Variants in PUDP observed in about 807,000 individuals in gnomAD.
PUDP encodes pseudouridine 5'-phosphatase.
A neutral mutation model predicts 9.4 loss-of-function variants in PUDP; 8 were observed. The ratio of observed to expected loss-of-function variants is 0.85; its 90% CI spans 0.50 to 1.53. The LOEUF (loss-of-function observed/expected upper bound fraction) is 1.53. Ranked by LOEUF, PUDP falls within the 40% of genes most tolerant of loss-of-function variation. PUDP has a pLI of 0.00. For missense variants in PUDP, 188 were observed against 189.7 expected (o/e 0.99, Z 0.05); for synonymous variants, 99 against 80.7 (o/e 1.23, Z -1.22).
chrX:6,720,256 G>GTATA (rs1384554975), intron 1 of PUDP, among the ~76,000 whole-genome samples: 143 of 37,108 alleles, frequency 3.9e-3, no homozygotes, highest in Admixed American at 5.7e-3. Context: ...GTGTGTGTGT[G>GTATA]TGTATATATA....
chrX:6,949,720 T>G (rs760748260), intron 3 of PUDP, among the ~76,000 whole-genome samples: 2 of 112,589 alleles, frequency 1.8e-5, no homozygotes, highest in South Asian at 7.3e-4. Flanking sequence ...CATCCAAATT[T>G]TATCTTTTTA....
chrX:6,816,934 AC>A (rs752328226), intron 3 of PUDP, among the ~76,000 whole-genome samples: 1,814 of 95,912 alleles, frequency 0.019, 51 homozygotes, highest in African/African-American at 0.062. Context: ...ATATATATAC[AC>A]ATATAGTATA....
intron 3 of PUDP, among the ~76,000 whole-genome samples, chrX:6,775,725 C>A (rs1288681426): frequency 9.1e-6 from 1 of 110,204 alleles, no homozygotes; most frequent in Non-Finnish European, 1.9e-5. Flanking sequence ...GAGGGTGGAG[C>A]CCTTATGAAT....
intron 3 of PUDP, among the ~76,000 whole-genome samples, chrX:7,072,271 T>A (rs895919438): frequency 3.6e-5 from 4 of 111,543 alleles, no homozygotes; most frequent in Non-Finnish European, 7.5e-5. Flanking sequence ...TAATTGTGAA[T>A]ATTATCTCAC....
intron 3 of PUDP, among the ~76,000 whole-genome samples, chrX:6,865,992 T>A (rs1451584146): frequency 1.8e-5 from 2 of 111,786 alleles, no homozygotes; most frequent in Admixed American, 1.9e-4. Flanking sequence ...ACAGGCGTAG[T>A]TCACTGCAGC....
intron 3 of PUDP, among the ~76,000 whole-genome samples, chrX:6,932,863 A>G (rs1236822196): frequency 4.5e-5 from 5 of 110,732 alleles, no homozygotes; most frequent in Non-Finnish European, 9.5e-5. Context: ...AGTCTCGCTG[A>G]TTGCTGGCAC....
intron 3 of PUDP, among the ~76,000 whole-genome samples, chrX:6,810,548 T>C (rs1172150099): frequency 1.8e-5 from 2 of 111,668 alleles, no homozygotes; most frequent in Non-Finnish European, 3.8e-5. Context: ...AGTACAGTCT[T>C]ACCTCACTTT....
At chrX:6,901,365 C>T (rs919062272) in intron 3 of PUDP, among the ~76,000 whole-genome samples, 7 of 112,202 alleles carry the variant, frequency 6.2e-5, no homozygotes, top group African/African-American at 1.3e-4. Flanking sequence ...AAAAGAGCAA[C>T]GAAACATCTA....
At chrX:6,806,104 T>C (rs1421653753) in intron 3 of PUDP, among the ~76,000 whole-genome samples, 1 of 111,070 alleles carries the variant, frequency 9.0e-6, no homozygotes, top group Non-Finnish European at 1.9e-5. Flanking sequence ...CAGAGAGACG[T>C]CTACTACCCT....
intron 3 of PUDP, among the ~76,000 whole-genome samples, chrX:6,872,914 G>A (rs922761167): frequency 4.5e-5 from 5 of 110,786 alleles, no homozygotes; most frequent in African/African-American, 1.6e-4. Context: ...TGCAGATCCT[G>A]TGACACATGG....
At chrX:6,985,876 G>A (rs779982409) in intron 1 of PUDP, among the ~76,000 whole-genome samples, 83 of 111,655 alleles carry the variant, frequency 7.4e-4, no homozygotes, top group Non-Finnish European at 1.4e-3. Context: ...ATTCCCTGAC[G>A]GTTAAGGCAT....
At chrX:6,746,120 T>C (rs1924996921) in intron 3 of PUDP, among the ~76,000 whole-genome samples, 1 of 112,280 alleles carries the variant, frequency 8.9e-6, no homozygotes, top group Admixed American at 9.4e-5. Context: ...GCTGTTTAAA[T>C]TGGAAGAACA....
intron 3 of PUDP, among the ~76,000 whole-genome samples, chrX:6,755,284 C>A (rs1399368054): frequency 9.0e-6 from 1 of 111,597 alleles, no homozygotes; most frequent in Non-Finnish European, 1.9e-5. Flanking sequence ...TTCAGCTAAT[C>A]CAGTGTTTTT....
At chrX:6,856,811 A>T (rs1926913591) in intron 3 of PUDP, among the ~76,000 whole-genome samples, 2 of 111,715 alleles carry the variant, frequency 1.8e-5, no homozygotes, top group African/African-American at 6.5e-5. Flanking sequence ...AGGAAAGCAG[A>T]TCGCCCTCCC....
chrX:6,899,063 T>C (rs981577232), intron 3 of PUDP, among the ~76,000 whole-genome samples: 1 of 112,117 alleles, frequency 8.9e-6, no homozygotes, highest in African/African-American at 3.2e-5. Flanking sequence ...CTCCCTCCAG[T>C]CTCTTTAACC....
chrX:6,857,204 A>C (rs1489305718), intron 3 of PUDP, among the ~76,000 whole-genome samples: 1 of 112,872 alleles, frequency 8.9e-6, no homozygotes, highest in East Asian at 2.8e-4. Context: ...ACTTTCAGGC[A>C]GAGAGAATGA....
chrX:7,050,210 TG>T lies in PUDP; in HGVS notation c.*85del. Reference sequence around the variant, plus strand: ...CTAAAATCACAGCGCAGGTTGGGATTGAAGAGTTGCTGATTTCCTTTCCCTT... The same window carrying T: ...CTAAAATCACAGCGCAGGTTGGGATTAAGAGTTGCTGATTTCCTTTCCCTT... On this transcript the variant is annotated 3_prime_UTR_variant, in exon 4 of 4. Transcript: ENST00000381077. 1.1e-6 allele frequency: 1 copy of T among 943,864 alleles called. No individual in the cohort carries two copies. Among genetic ancestry groups the T allele is most frequent in the Non-Finnish European group, 1.5e-6 (1 of 687,209 alleles). The allele number at this position is 943,864 out of a possible 1,213,427, so 77.8% of individuals were successfully genotyped here. A position where few individuals can be genotyped will look rare whatever the true frequency, so the allele number is the denominator to read the frequency against.
chrX:6,771,902 G>A (rs1388685366), intron 3 of PUDP, among the ~76,000 whole-genome samples: 1 of 112,276 alleles, frequency 8.9e-6, no homozygotes, highest in African/African-American at 3.2e-5. Flanking sequence ...AAAACCAGGT[G>A]GTATAGGTTG....
intron 2 of PUDP, among the ~76,000 whole-genome samples, chrX:7,083,469 G>A (rs1004412596): frequency 5.4e-5 from 6 of 111,654 alleles, no homozygotes; most frequent in African/African-American, 1.6e-4. Context: ...AAGAACATAT[G>A]AGGATTAAAA....
Sources: gnomAD v4.1 joint callset for allele counts (sites outside exome capture counted in the v4.1 genomes callset) on GRCh38, gnomAD v4.1.1 for gene constraint, MANE v1.5 for transcripts, NCBI Gene and HGNC (gene_info 2026-07-23, HGNC 2026-07-21) for gene names.